UVRAG: variants seen among roughly 807,000 people sequenced by gnomAD.
The protein encoded by UVRAG is UV radiation resistance associated, also known as UV radiation resistance-associated gene protein.
In UVRAG, 19 loss-of-function variants were observed where a neutral mutation model predicts 78.0. The observed-to-expected ratio is 0.24, with a 90% CI of 0.17 to 0.36. UVRAG has a LOEUF of 0.36. Ranked by LOEUF, UVRAG falls within the 10% of genes least tolerant of loss-of-function variation. The pLI, the probability that UVRAG is intolerant of heterozygous loss-of-function variation, is 1.00. For missense variants in UVRAG, 740 were observed against 853.8 expected, an observed-to-expected ratio of 0.87 and a Z score of 1.66; for synonymous variants, 323 against 324.6, an observed-to-expected ratio of 1.00 and a Z score of 0.05.
intron 13 of UVRAG, among the ~76,000 whole-genome samples, chr11:76,097,775 C>G (rs1214173254): frequency 6.6e-6 from 1 of 152,108 alleles, no homozygotes; most frequent in Non-Finnish European, 1.5e-5. Context: ...GTTACCATAG[C>G]TAGTTTATAT....
chr11:75,888,894 T>C lies in UVRAG; in HGVS notation c.498T>C (p.Phe166=), dbSNP rs746152728. 6.4e-5 allele frequency: 103 copies of C among 1,612,964 alleles called. No individual in the cohort carries two copies. In the Admixed American group the frequency reaches 1.5e-3, roughly 24 times the overall value. ...GLNDGYYGAP[F]EHKGYSNAQK... ...ATGATGGATACTATGGTGCTCCATTTGAACATAAGGTAAGAAGATCCTTCT... is the reference window on the plus strand; with the variant it reads ...ATGATGGATACTATGGTGCTCCATTCGAACATAAGGTAAGAAGATCCTTCT... The change falls in exon 5 of 15, where the codon TTT becomes TTC. Residue 166 remains phenylalanine, a synonymous_variant. Transcript: ENST00000356136.
intron 14 of UVRAG, among the ~76,000 whole-genome samples, chr11:76,128,895 A>G (rs2134495107): frequency 6.6e-6 from 1 of 152,332 alleles, no homozygotes; most frequent in South Asian, 2.1e-4. Flanking sequence ...TTAATTTTAA[A>G]GAGTTTAAAT....
intron 7 of UVRAG, chr11:75,980,158 TTTTG>T (rs147398660): frequency 0.086 from 13,617 of 158,580 alleles, 1,312 homozygotes; most frequent in African/African-American, 0.25. Flanking sequence ...TCTCTCTCTG[TTTTG>T]TTTGTTTGTT....
At chr11:75,896,075 A>G (rs745947391) in intron 5 of UVRAG, among the ~76,000 whole-genome samples, 1 of 152,224 alleles carries the variant, frequency 6.6e-6, no homozygotes, top group Non-Finnish European at 1.5e-5. Flanking sequence ...ATTTGTTTGC[A>G]TCTTGCAGAT....
In UVRAG at chr11:76,043,267, AGTT is replaced by A. The variant is rs199950798; in HGVS notation, c.1227-22438_1227-22436del. On this transcript the variant is annotated intron_variant, in intron 12 of 14. Transcript: ENST00000356136. ...AAAAAGGAAGAAAAAGTATCAGATG[AGTT>A]GTTGCTCATCAGGAACAAAAATGAG... 7.2e-3 allele frequency among the ~76,000 whole-genome samples: 1,096 copies of A among 152,312 alleles called. 13 individuals carry two copies. The highest frequency in any genetic ancestry group is 0.025 in the African/African-American group (1,041 of 41,564).
intron 5 of UVRAG, among the ~76,000 whole-genome samples, chr11:75,901,500 C>T (rs1212768418): frequency 3.3e-5 from 5 of 152,144 alleles, no homozygotes; most frequent in Admixed American, 2.0e-4. Flanking sequence ...ATAGCCCAAA[C>T]TGAGCTCAGT....
intron 2 of UVRAG, among the ~76,000 whole-genome samples, chr11:75,857,501 T>G (rs1946318124): frequency 6.6e-6 from 1 of 150,846 alleles, no homozygotes; most frequent in African/African-American, 2.4e-5. Context: ...CCCCCCCTTT[T>G]TTTTTTGAGA....
Position 76,064,178 on chromosome 11 carries a change from C to G in UVRAG, c.1227-1532C>G, listed in dbSNP as rs140725375. On this transcript the variant is annotated intron_variant, in intron 12 of 14. Transcript: ENST00000356136. The stretch of plus-strand genomic sequence containing the variant: ...GATCTCAATTTACTCTTCTAACATA[C>G]GAAACAGTTTCTAGATTTATACCTT... Among the ~76,000 whole-genome samples the G allele has an allele frequency of 1.0e-3, 158 of 152,224 alleles. 1 individual carries two copies. The highest frequency in any genetic ancestry group is 3.7e-3 in the African/African-American group (152 of 41,534).
intron 8 of UVRAG, among the ~76,000 whole-genome samples, chr11:76,001,149 C>G (rs1949806140): frequency 6.6e-6 from 1 of 152,054 alleles, no homozygotes; most frequent in Non-Finnish European, 1.5e-5. Context: ...TGTTTTCTCA[C>G]CAAAACAGAG....
chr11:76,046,765 G>T (rs944222952), intron 12 of UVRAG, among the ~76,000 whole-genome samples: 19 of 151,988 alleles, frequency 1.3e-4, no homozygotes, highest in Admixed American at 4.6e-4. Flanking sequence ...CGAGAAACAG[G>T]AATAAAAGGA....
chr11:76,077,092 T>C (rs1169204812), intron 13 of UVRAG, among the ~76,000 whole-genome samples: 1 of 149,104 alleles, frequency 6.7e-6, no homozygotes, highest in African/African-American at 2.4e-5. Context: ...CTCTTTAAGG[T>C]TGATAATTAA....
chr11:76,123,300 A>G (rs1952324888), intron 14 of UVRAG, among the ~76,000 whole-genome samples: 1 of 152,168 alleles, frequency 6.6e-6, no homozygotes, highest in South Asian at 2.1e-4. Context: ...TACCTCATTT[A>G]CCTCCAAGAG....
intron 1 of UVRAG, among the ~76,000 whole-genome samples, chr11:75,825,447 C>T (rs1945491462): frequency 6.6e-6 from 1 of 152,074 alleles, no homozygotes; most frequent in Non-Finnish European, 1.5e-5. Context: ...TTTTCAATGC[C>T]TTGTACAGTA....
At chr11:75,887,548 T>C (rs1376370408) in intron 4 of UVRAG, among the ~76,000 whole-genome samples, 1 of 140,630 alleles carries the variant, frequency 7.1e-6, no homozygotes, top group African/African-American at 2.7e-5. Context: ...CCCGGGTTCA[T>C]GCCATTCTCC....
chr11:75,866,791 A>C (rs777335652), intron 3 of UVRAG, among the ~76,000 whole-genome samples: 1 of 152,194 alleles, frequency 6.6e-6, no homozygotes, highest in East Asian at 1.9e-4. Context: ...TATGTCATAT[A>C]TGTATGTATC....
chr11:75,858,819 T>C (rs1263510228), intron 2 of UVRAG, among the ~76,000 whole-genome samples: 1 of 152,232 alleles, frequency 6.6e-6, no homozygotes, highest in Non-Finnish European at 1.5e-5. Context: ...CTTAAGTTTG[T>C]ATTTCTCCTA....
chr11:75,855,484 T>C (rs1188135904), intron 2 of UVRAG, among the ~76,000 whole-genome samples: 4 of 152,244 alleles, frequency 2.6e-5, no homozygotes, highest in African/African-American at 4.8e-5. Flanking sequence ...ATGAACTTTG[T>C]TGGGCTTTAC....
At chr11:76,056,782 T>C (rs1471367195) in intron 12 of UVRAG, among the ~76,000 whole-genome samples, 2 of 152,202 alleles carry the variant, frequency 1.3e-5, no homozygotes, top group African/African-American at 4.8e-5. Flanking sequence ...TAGTTATCTT[T>C]TTTGTGTGTG....
intron 6 of UVRAG, among the ~76,000 whole-genome samples, chr11:75,923,373 A>T (rs1948020649): frequency 6.6e-6 from 1 of 152,176 alleles, no homozygotes; most frequent in African/African-American, 2.4e-5. Context: ...GGGAGGTATA[A>T]ATTACCGTCT....
Sources: gnomAD v4.1 joint callset for allele counts (sites outside exome capture counted in the v4.1 genomes callset) on GRCh38, gnomAD v4.1.1 for gene constraint, MANE v1.5 for transcripts, NCBI Gene and HGNC (gene_info 2026-07-23, HGNC 2026-07-21) for gene names.